Variants in WDPCP observed in about 807,000 individuals in gnomAD.
The protein encoded by WDPCP is WD repeat-containing and planar cell polarity effector protein fritz homolog.
Under a neutral mutation model 93.1 loss-of-function variants are expected in WDPCP, and 71 were observed. The observed-to-expected ratio is 0.76, with a 90% CI of 0.63 to 0.93. WDPCP has a LOEUF of 0.93. Among genes scored for constraint, WDPCP ranks in the 40% least tolerant of loss-of-function variants. The probability of loss-of-function intolerance (pLI) is 0.00; values close to 1 mark genes in which losing one functional copy is unlikely to be tolerated. For missense variants in WDPCP, 844 were observed against 887.4 expected (o/e 0.95, Z 0.62); for synonymous variants, 315 against 315.0 (o/e 1.00, Z 0.00).
chr2:63,156,888 T>A (rs1016838412), intron 15 of WDPCP, among the ~76,000 whole-genome samples: 2 of 152,160 alleles, frequency 1.3e-5, no homozygotes, highest in African/African-American at 4.8e-5. Flanking sequence ...TCCATAAGAG[T>A]GGTAAAAGTG....
At chr2:63,141,856 G>T (rs1671081870) in intron 17 of WDPCP, among the ~76,000 whole-genome samples, 1 of 152,030 alleles carries the variant, frequency 6.6e-6, no homozygotes, top group Non-Finnish European at 1.5e-5. Context: ...CCTGATTTAA[G>T]CTAGAAGGGC....
At chr2:63,649,279 T>C (rs1300922702) in intron 3 of WDPCP, among the ~76,000 whole-genome samples, 2 of 152,214 alleles carry the variant, frequency 1.3e-5, no homozygotes, top group African/African-American at 2.4e-5. Context: ...TTCATGGACA[T>C]TTCATTTAAA....
intron 6 of WDPCP, among the ~76,000 whole-genome samples, chr2:63,452,820 C>G (rs1396367225): frequency 6.6e-6 from 1 of 152,086 alleles, no homozygotes; most frequent in Non-Finnish European, 1.5e-5. Context: ...TTTGACAAAC[C>G]TGACAAAAAC....
intron 17 of WDPCP, among the ~76,000 whole-genome samples, chr2:63,143,456 A>C (rs1671245124): frequency 2.6e-5 from 4 of 152,090 alleles, no homozygotes; most frequent in Non-Finnish European, 4.4e-5. Context: ...CGTTGCATTC[A>C]TTGTGATTTT....
At chr2:63,401,683 T>C (rs1325613241) in intron 10 of WDPCP, among the ~76,000 whole-genome samples, 3 of 152,094 alleles carry the variant, frequency 2.0e-5, no homozygotes, top group African/African-American at 7.2e-5. Context: ...CACATGCCTG[T>C]AATCCCAGCT....
At chr2:63,552,523 CT>C (rs962397261) in intron 1 of WDPCP, among the ~76,000 whole-genome samples, 3 of 152,032 alleles carry the variant, frequency 2.0e-5, no homozygotes, top group Non-Finnish European at 2.9e-5. Flanking sequence ...AGTATCTCCT[CT>C]TTTTTTTATT....
At chr2:63,445,860 T>C (rs1697824319) in intron 6 of WDPCP, among the ~76,000 whole-genome samples, 1 of 152,206 alleles carries the variant, frequency 6.6e-6, no homozygotes, top group South Asian at 2.1e-4. Flanking sequence ...TGCAACATAA[T>C]GCATGTAAAA....
chr2:63,676,758 A>C (rs262529), intron 2 of WDPCP, among the ~76,000 whole-genome samples: 123,601 of 151,890 alleles, frequency 0.81, 50,873 homozygotes, highest in East Asian at 0.98. Context: ...TTTAGGGAGG[A>C]TACAGATGTG....
At chr2:63,540,809 A>G (rs1389998322) in intron 1 of WDPCP, among the ~76,000 whole-genome samples, 1 of 151,800 alleles carries the variant, frequency 6.6e-6, no homozygotes, top group Non-Finnish European at 1.5e-5. Context: ...GCTGGAGTGC[A>G]GTGGGGCGAT....
chr2:63,204,367 G>A (rs533916972), intron 14 of WDPCP, among the ~76,000 whole-genome samples: 3 of 121,268 alleles, frequency 2.5e-5, no homozygotes, highest in East Asian at 2.5e-4. Flanking sequence ...TTGAGACAGA[G>A]TCTCACTCTG....
chr2:63,347,588 G>C (rs1457945879), intron 12 of WDPCP, among the ~76,000 whole-genome samples: 1 of 152,076 alleles, frequency 6.6e-6, no homozygotes, highest in Non-Finnish European at 1.5e-5. Context: ...CTTTAGATCT[G>C]GTTCTTTGGT....
chr2:63,538,316 TTGAC>T, intron 1 of WDPCP, among the ~76,000 whole-genome samples: 1 of 152,216 alleles, frequency 6.6e-6, no homozygotes, highest in South Asian at 2.1e-4. Flanking sequence ...AAAATAAAAA[TTGAC>T]TTACTCTACA....
In WDPCP at chr2:63,559,223, A is replaced by C. The variant is rs184118337; in HGVS notation, c.75+28974T>G. ...CAGAAAAGGCCTTTGATAAAATTCA[A>C]CATCCCTTCATGTTAAAAACTCTCA... On this transcript the variant is annotated intron_variant, in intron 1 of 17. Coordinates refer to ENST00000272321, the MANE Select transcript of WDPCP (RefSeq NM_015910.7). 1.6e-3 allele frequency among the ~76,000 whole-genome samples: 246 copies of C among 152,354 alleles called. 2 individuals are homozygous for C. The highest frequency in any genetic ancestry group is 3.0e-3 in the Non-Finnish European group (202 of 68,032).
intron 14 of WDPCP, among the ~76,000 whole-genome samples, chr2:63,202,728 C>G (rs182427299): frequency 1.3e-5 from 2 of 152,222 alleles, no homozygotes; most frequent in Admixed American, 1.3e-4. Flanking sequence ...TCTTTTTGAT[C>G]TGAATTATAT....
intron 14 of WDPCP, among the ~76,000 whole-genome samples, chr2:63,255,654 GCACC>G (rs1162507502): frequency 6.6e-6 from 1 of 152,100 alleles, no homozygotes; most frequent in African/African-American, 2.4e-5. Flanking sequence ...ACAGATGCCA[GCACC>G]ATACTTCTCA....
the WDPCP span, among the ~76,000 whole-genome samples, chr2:63,838,026 T>C: frequency 1.3e-5 from 2 of 150,622 alleles, no homozygotes; most frequent in East Asian, 1.9e-4. Flanking sequence ...ACTCAGGAGG[T>C]GGAGGTTGCA....
chr2:63,169,976 T>G (rs2103967666), intron 15 of WDPCP, among the ~76,000 whole-genome samples: 1 of 151,522 alleles, frequency 6.6e-6, no homozygotes, highest in Middle Eastern at 3.4e-3. Context: ...ATTGAAGCCT[T>G]AATGTTTAGG....
At chr2:63,168,211 A>G (rs1307443192) in intron 15 of WDPCP, among the ~76,000 whole-genome samples, 2 of 151,284 alleles carry the variant, frequency 1.3e-5, no homozygotes, top group Non-Finnish European at 2.9e-5. Flanking sequence ...TATAAAGGTG[A>G]CTTCTATATT....
At chr2:63,173,285 A>G (rs1673545473) in intron 15 of WDPCP, among the ~76,000 whole-genome samples, 1 of 145,798 alleles carries the variant, frequency 6.9e-6, no homozygotes, top group Admixed American at 6.9e-5. Flanking sequence ...AAAAAAAAAA[A>G]GAAAAAATTG....
Sources: gnomAD v4.1 joint callset for allele counts (sites outside exome capture counted in the v4.1 genomes callset) on GRCh38, gnomAD v4.1.1 for gene constraint, MANE v1.5 for transcripts, NCBI Gene and HGNC (gene_info 2026-07-23, HGNC 2026-07-21) for gene names.